NFATC1: variants seen among roughly 807,000 people sequenced by gnomAD.
The protein encoded by NFATC1 is nuclear factor of activated T-cells, cytoplasmic 1.
NFATC1 carries 22 observed loss-of-function variants against 76.0 expected under a neutral mutation model. That is an observed-to-expected ratio of 0.29 (90% CI 0.21 to 0.41). The LOEUF (loss-of-function observed/expected upper bound fraction) is 0.41. NFATC1 is among the 10% of genes least tolerant of loss of function. The pLI, the probability that NFATC1 is intolerant of heterozygous loss-of-function variation, is 1.00. For synonymous variants in NFATC1, 704 were observed against 613.1 expected, an observed-to-expected ratio of 1.15 and a Z score of -2.19; for missense variants, 1,357 against 1,337.7, an observed-to-expected ratio of 1.01 and a Z score of -0.23.
At chr18:79,483,896 T>C (rs1443878212) in intron 8 of NFATC1, among the ~76,000 whole-genome samples, 4 of 139,842 alleles carry the variant, frequency 2.9e-5, no homozygotes, top group African/African-American at 8.3e-5. Flanking sequence ...GGGGTGTCAC[T>C]CCAGCGTGAC....
intron 9 of NFATC1, among the ~76,000 whole-genome samples, chr18:79,494,042 C>T (rs549994816): frequency 2.0e-5 from 3 of 152,312 alleles, no homozygotes; most frequent in South Asian, 2.1e-4. Flanking sequence ...GTGACGTGCC[C>T]GAGGTGAGGC....
chr18:79,410,712 CTAG>C lies in NFATC1; in HGVS notation c.438_440del (p.Ser148del), dbSNP rs759033807. ...GATGTGGAGGTGGAAGACGTCCTCCCTAGCTCCAAACGGTCCCCCTCCACGGCC... is the reference window on the plus strand; with the variant it reads ...GATGTGGAGGTGGAAGACGTCCTCCCCTCCAAACGGTCCCCCTCCACGGCC... On this transcript the variant is annotated inframe_deletion, in exon 2 of 10. Transcript: ENST00000427363. The surrounding 1 kb of genome is among the most constrained non-coding windows in gnomAD (Gnocchi z 6.7). The C allele has an allele frequency of 1.7e-5, 28 of 1,613,086 alleles. No individual in the cohort carries two copies. The African/African-American group carries it at 2.8e-4, about 16-fold the overall frequency.
At chr18:79,485,402 C>T (rs961521685) in intron 8 of NFATC1, among the ~76,000 whole-genome samples, 4 of 152,248 alleles carry the variant, frequency 2.6e-5, no homozygotes, top group South Asian at 2.1e-4. Context: ...AAACAGCAAC[C>T]GCAGGAATGC....
intron 3 of NFATC1, among the ~76,000 whole-genome samples, chr18:79,442,158 G>A (rs868210877): frequency 2.0e-5 from 3 of 152,200 alleles, no homozygotes; most frequent in Non-Finnish European, 4.4e-5. Context: ...GGGCCGAGGC[G>A]GTGGGGGAGG....
chr18:79,505,548 G>T (rs1367510600), intron 9 of NFATC1, among the ~76,000 whole-genome samples: 18 of 75,890 alleles, frequency 2.4e-4, no homozygotes, highest in East Asian at 1.9e-3. Flanking sequence ...CCTTGGGTGA[G>T]GGAAGAGGCA....
At chr18:79,426,559 C>G (rs1421060706) in intron 2 of NFATC1, among the ~76,000 whole-genome samples, 1 of 148,750 alleles carries the variant, frequency 6.7e-6, no homozygotes, top group Non-Finnish European at 1.5e-5. Context: ...TCACACTCGG[C>G]AGTTCTGGGC....
chr18:79,456,577 G>A (rs570232111), intron 6 of NFATC1, among the ~76,000 whole-genome samples: 90 of 152,306 alleles, frequency 5.9e-4, no homozygotes, highest in African/African-American at 2.1e-3. Context: ...GTTCTTTCTC[G>A]CGGGCGGGGA....
intron 1 of NFATC1, among the ~76,000 whole-genome samples, chr18:79,400,650 A>T (rs1483294335): frequency 6.8e-6 from 1 of 146,914 alleles, no homozygotes; most frequent in African/African-American, 2.5e-5. Flanking sequence ...CTGGGCTCGG[A>T]TGCGGTTCCT....
intron 8 of NFATC1, among the ~76,000 whole-genome samples, chr18:79,475,541 C>CGTT (rs2089031041): frequency 7.0e-6 from 1 of 142,766 alleles, no homozygotes; most frequent in African/African-American, 2.9e-5. Context: ...ACACTGTAAA[C>CGTT]CTGAGTGAAG....
chr18:79,527,450 G>A, intron 9 of NFATC1, 78 bp from the exon 10 acceptor site: 1 of 1,198,934 alleles, frequency 8.3e-7, no homozygotes, highest in Non-Finnish European at 1.2e-6. Flanking sequence ...CGTCACTGAT[G>A]GAGAAGCAGG....
chr18:79,477,260 T>C (rs1029632070), intron 8 of NFATC1, among the ~76,000 whole-genome samples: 1 of 152,250 alleles, frequency 6.6e-6, no homozygotes, highest in Non-Finnish European at 1.5e-5. Context: ...CAATCTGATC[T>C]TTGTTTTCCA....
At chr18:79,501,636 G>T (rs555205282) in intron 9 of NFATC1, among the ~76,000 whole-genome samples, 1 of 117,104 alleles carries the variant, frequency 8.5e-6, no homozygotes, top group Admixed American at 1.3e-4. Context: ...AAAAGGTAAA[G>T]GAAAACCCAC....
rs1254600184 is a variant in NFATC1, at chr18:79,508,231, G to GGGAC, written c.2783-19285_2783-19282dup. On this transcript the variant is annotated intron_variant, in intron 9 of 9. Transcript: ENST00000427363. Reference sequence around the variant, plus strand: ...TGGAGAAAAAAGGTGGAGGGAGGGAGGGACGGACGGACGGAGGGCGCCTGG... The same window carrying GGGAC: ...TGGAGAAAAAAGGTGGAGGGAGGGAGGGACGGACGGACGGACGGAGGGCGCCTGG... Among the ~76,000 whole-genome samples the GGGAC allele has an allele frequency of 5.9e-5, 9 of 151,820 alleles. No homozygotes were observed. The South Asian group carries it at 6.2e-4, about 10-fold the overall frequency.
At chr18:79,501,107 C>G (rs1465481588) in intron 9 of NFATC1, among the ~76,000 whole-genome samples, 3 of 151,976 alleles carry the variant, frequency 2.0e-5, no homozygotes, top group Admixed American at 6.5e-5. Flanking sequence ...AATCCAACAA[C>G]ATAAAAAAAA....
rs1424152430 is a variant in NFATC1, at chr18:79,429,027, C to G, written c.1227-4552C>G. Among the ~76,000 whole-genome samples the G allele has an allele frequency of 2.6e-5, 4 of 152,248 alleles. No homozygotes were observed. The South Asian group carries it at 6.2e-4, about 24-fold the overall frequency. ...CCTGAGGTCAGGAGTTCGAGACCAG[C>G]CTGGCCAACATGGTGAAACTGTGTC... On this transcript the variant is annotated intron_variant, in intron 2 of 9. Transcript: ENST00000427363.
intron 9 of NFATC1, among the ~76,000 whole-genome samples, chr18:79,522,440 G>C (rs2090636022): frequency 9.2e-6 from 1 of 109,064 alleles, no homozygotes; most frequent in Non-Finnish European, 1.8e-5. Flanking sequence ...TGTGTGTTTT[G>C]TGTGTGTGTT....
intron 9 of NFATC1, among the ~76,000 whole-genome samples, chr18:79,512,657 G>A (rs954754807): frequency 2.0e-5 from 3 of 152,148 alleles, no homozygotes; most frequent in African/African-American, 4.8e-5. Context: ...TGCCTCCCCC[G>A]TTTGCTGAGC....
chr18:79,510,489 C>T (rs977969184), intron 9 of NFATC1, among the ~76,000 whole-genome samples: 2 of 152,174 alleles, frequency 1.3e-5, no homozygotes, highest in Admixed American at 1.3e-4. Context: ...TTGCCACAGG[C>T]GTGGTGGAGG....
At chr18:79,444,930 G>A (rs757343834) in intron 3 of NFATC1, among the ~76,000 whole-genome samples, 13 of 152,306 alleles carry the variant, frequency 8.5e-5, no homozygotes, top group Non-Finnish European at 1.6e-4. Context: ...GAATGTCACC[G>A]TGGACCCCAG....
Sources: allele counts gnomAD v4.1 joint callset (sites outside exome capture counted in the v4.1 genomes callset), GRCh38; gene constraint gnomAD v4.1.1; non-coding constraint Gnocchi (gnomAD v3.1); transcripts MANE v1.5; gene names NCBI Gene and HGNC (gene_info 2026-07-23, HGNC 2026-07-21).